The following ODAD3 variants were observed in gnomAD, a reference collection of about 807,000 sequenced individuals.
ODAD3 encodes the protein outer dynein arm-docking complex subunit 3.
Under a neutral mutation model 70.9 loss-of-function variants are expected in ODAD3, and 57 were observed. The observed-to-expected ratio is 0.80, with a 90% CI of 0.65 to 1.00. The LOEUF (loss-of-function observed/expected upper bound fraction) is 1.00. Ranked by LOEUF, ODAD3 falls within the 50% of genes least tolerant of loss-of-function variation. The pLI is 0.00. For missense variants in ODAD3, 797 were observed against 763.9 expected (o/e 1.04, Z -0.51); for synonymous variants, 327 against 315.9 (o/e 1.04, Z -0.37).
chr19:11,425,146 C>CAT lies in ODAD3; in HGVS notation c.963+996_963+997dup, dbSNP rs1555722250. ...ACATATGTGTATATGTGTATATGTA[C>CAT]ATATGTATATATACATATGTGTATA... is the stretch of plus-strand genomic sequence containing the variant. On this transcript the variant is annotated intron_variant, in intron 7 of 12. Coordinates refer to ENST00000356392, the MANE Select transcript of ODAD3 (RefSeq NM_145045.5). Among the ~76,000 whole-genome samples the CAT allele has an allele frequency of 1.5e-4, 15 of 97,046 alleles. 3 individuals carry two copies. Among genetic ancestry groups the CAT allele is most frequent in the South Asian group, 3.3e-4 (1 of 3,022 alleles). 63.7% of individuals were successfully genotyped at this position (97,046 alleles called of 152,430 possible). A position where few individuals can be genotyped will look rare whatever the true frequency, so the allele number is the denominator to read the frequency against.
At position 11,423,958 on chromosome 19, in the gene ODAD3, C is replaced by T; in HGVS notation, c.1035G>A (p.Glu345=). The T allele has an allele frequency of 6.2e-7, 1 of 1,613,350 alleles. No individual in the cohort carries two copies. Among genetic ancestry groups the T allele is most frequent in the South Asian group, 1.1e-5 (1 of 91,070 alleles). ...GGTACATGCTCCAGCGCTGCCGCAG[C>T]TCCTCCTCCTTGGCATGCAGGCTGT... ...IQDSLHAKEE[E]LRQRWSMYQM... is the part of the protein sequence containing the mutation. The change falls in exon 8 of 13, where the codon GAG becomes GAA. Residue 345 remains glutamate, a synonymous_variant. Coordinates refer to ENST00000356392, the MANE Select transcript of ODAD3 (RefSeq NM_145045.5).
Position 11,426,836 on chromosome 19 carries a change from C to A in ODAD3, c.612+37G>T, listed in dbSNP as rs769894596. The A allele has an allele frequency of 3.1e-6, 5 of 1,612,760 alleles. No homozygotes were observed. In the Admixed American group the frequency reaches 8.3e-5, roughly 27 times the overall value. On this transcript the variant is annotated intron_variant, in intron 4 of 12. Coordinates refer to ENST00000356392, the MANE Select transcript of ODAD3 (RefSeq NM_145045.5). ...GGCCCTCCGCACTCAATCCCTCCCACACGACCCTCTGCCCTGCAGGCCTCA... is the reference window on the plus strand; with the variant it reads ...GGCCCTCCGCACTCAATCCCTCCCAAACGACCCTCTGCCCTGCAGGCCTCA...
At position 11,423,870 on chromosome 19, in the gene ODAD3, A is replaced by C; in HGVS notation, c.1116+7T>G. 6.2e-7 allele frequency: 1 copy of C among 1,605,082 alleles called. No homozygotes were observed. Among genetic ancestry groups the C allele is most frequent in the South Asian group, 1.1e-5 (1 of 90,866 alleles). ...GCGCGGCGGAGAGGGCTGCGGGCAG[A>C]ACTCACGTGCGTCTCGTCAGTGCCA... is the stretch of plus-strand genomic sequence containing the variant. On this transcript the variant is annotated splice_region_variant and intron_variant, in intron 8 of 12. Transcript: ENST00000356392.
At chr19:11,431,283 G>T in intron 1 of ODAD3, 1 of 407,288 alleles carries the variant, frequency 2.5e-6, no homozygotes, top group South Asian at 2.4e-5. Flanking sequence ...GGCTAATTTT[G>T]TATTTTTAGT....
chr19:11,430,638 T>G (rs1403319315), intron 3 of ODAD3, 61 bp downstream of exon 3: 1 of 1,493,198 alleles, frequency 6.7e-7, no homozygotes, highest in Non-Finnish European at 9.3e-7. Context: ...GAGCCTGGAG[T>G]CCAGTGGTGA....
chr19:11,423,381 G>A (rs77457275), intron 8 of ODAD3, among the ~76,000 whole-genome samples: 1 of 152,180 alleles, frequency 6.6e-6, no homozygotes, highest in Non-Finnish European at 1.5e-5. Context: ...CAGGGTTGGG[G>A]TCCAGTGTTC....
intron 7 of ODAD3, among the ~76,000 whole-genome samples, chr19:11,425,585 ATG>A (rs1388281690): frequency 1.1e-3 from 147 of 132,068 alleles, no homozygotes; most frequent in African/African-American, 5.1e-3. Context: ...GTATATATGT[ATG>A]TATATGTGTA....
rs766159826 is a variant in ODAD3, at chr19:11,423,885, C to T, written c.1108G>A (p.Glu370Lys). ...GKVKDATGTD[E>K]THSLVRRFLA... ...CTGCGGGCAGAACTCACGTGCGTCT[C>T]GTCAGTGCCAGTGGCGTCCTTGACC... The change falls in exon 8 of 13, where the codon GAG (glutamate) becomes AAG (lysine). Residue 370 changes from glutamate to lysine, a missense_variant. Glu to Lys is a moderately conservative substitution (Grantham distance 56, BLOSUM62 1). Transcript: ENST00000356392. 1 of 1,610,702 alleles carries T rather than the reference C, an allele frequency of 6.2e-7. No individual in the cohort carries two copies. Among genetic ancestry groups the T allele is most frequent in the Non-Finnish European group, 8.5e-7 (1 of 1,179,082 alleles).
chr19:11,421,005 G>T, intron 12 of ODAD3, 58 bp from the exon 13 acceptor site: 1 of 1,587,992 alleles, frequency 6.3e-7, no homozygotes, highest in Non-Finnish European at 8.6e-7. Flanking sequence ...CCCATCCCTG[G>T]CTCCCCTTCC....
At position 11,434,862 on chromosome 19, in the gene ODAD3, CGGCCTG is replaced by C. The variant is rs1188508528; in HGVS notation, c.149_154del (p.Pro50_Gly51del). The C allele has an allele frequency of 3.1e-6, 5 of 1,614,086 alleles. No individual in the cohort carries two copies. In the African/African-American group the frequency reaches 6.7e-5, roughly 22 times the overall value. ...TCTGTGGAAGGATCCTCCCTTGGAACGGCCTGGGGTCCACGCCTGGGCTGTGCCCTT... is the reference window on the plus strand; with the variant it reads ...TCTGTGGAAGGATCCTCCCTTGGAACGGGTCCACGCCTGGGCTGTGCCCTT... On this transcript the variant is annotated inframe_deletion, in exon 1 of 13. Transcript: ENST00000356392.
At chr19:11,424,063 C>A (rs1599454706) in intron 7 of ODAD3, 34 bp from the exon 8 acceptor site, 1 of 1,590,354 alleles carries the variant, frequency 6.3e-7, no homozygotes, top group East Asian at 2.3e-5. Flanking sequence ...CCAGGGTCAG[C>A]TGGTGGACAG....
Position 11,426,838 on chromosome 19 carries a change from C to T in ODAD3, c.612+35G>A, listed in dbSNP as rs376625079. The T allele has an allele frequency of 1.4e-5, 22 of 1,612,230 alleles. No homozygotes were observed. In the African/African-American group the frequency reaches 2.9e-4, roughly 22 times the overall value. On this transcript the variant is annotated intron_variant, in intron 4 of 12. Transcript: ENST00000356392. ...CCCTCCGCACTCAATCCCTCCCACA[C>T]GACCCTCTGCCCTGCAGGCCTCACC...
intron 7 of ODAD3, 21 bp downstream of exon 7, chr19:11,426,123 C>T: frequency 1.9e-6 from 3 of 1,598,848 alleles, no homozygotes; most frequent in African/African-American, 1.3e-5. Context: ...GTCACAGGCG[C>T]GCACCCCTGG....
In ODAD3 at chr19:11,434,773, C is replaced by T. The variant is rs1383114775; in HGVS notation, c.244G>A (p.Glu82Lys). ...AELHKKIQLL[E>K]GDRKAFFESS... is the part of the protein sequence containing the mutation. Reference sequence around the variant, plus strand: ...TCTGTACCCTCTGGAGCCATCTTACCTAACAGTTGTATCTTTTTATGTAAC... The same window carrying T: ...TCTGTACCCTCTGGAGCCATCTTACTTAACAGTTGTATCTTTTTATGTAAC... Residue 82 changes from glutamate (E) to lysine (K), a missense_variant and splice_region_variant, in exon 1 of 13, where the codon GAG becomes AAG. By Grantham distance (56) the Glu-to-Lys change is moderately conservative (BLOSUM62 1). Coordinates refer to ENST00000356392, the MANE Select transcript of ODAD3 (RefSeq NM_145045.5). 2 of 1,609,988 alleles carry T rather than the reference C, an allele frequency of 1.2e-6. No homozygotes were observed. The highest frequency in any genetic ancestry group is 1.7e-5 in the Admixed American group (1 of 59,838).
rs757027245 is a variant in ODAD3 at position 11,421,116 on chromosome 19, A to C, written c.1675+12T>G. 1 of 1,602,196 alleles carries C rather than the reference A, an allele frequency of 6.2e-7. No homozygotes were observed. Among genetic ancestry groups the C allele is most frequent in the African/African-American group, 1.4e-5 (1 of 71,018 alleles). ...CCCAACCGCACCCCTTCATCCCCCC[A>C]CCCATACTGACCAAAAAACTTGTCC... On this transcript the variant is annotated intron_variant, in intron 12 of 12. Coordinates refer to ENST00000356392, the MANE Select transcript of ODAD3 (RefSeq NM_145045.5).
intron 1 of ODAD3, chr19:11,434,433 G>A (rs1335363674): frequency 5.8e-5 from 10 of 172,792 alleles, no homozygotes; most frequent in African/African-American, 2.2e-4. Flanking sequence ...AGCTACTCAA[G>A]AGGCTGAGGC....
chr19:11,424,961 G>GTATATATGTGTATATGTACATA (rs1969248545), intron 7 of ODAD3, among the ~76,000 whole-genome samples: 1 of 129,378 alleles, frequency 7.7e-6, no homozygotes, highest in Non-Finnish European at 1.6e-5. Flanking sequence ...ATGTACATAT[G>GTATATATGTGTATATGTACATA]TGTATATATG....
intron 7 of ODAD3, among the ~76,000 whole-genome samples, chr19:11,425,226 T>C (rs577835459): frequency 3.0e-5 from 4 of 135,076 alleles, no homozygotes; most frequent in South Asian, 2.2e-4. Flanking sequence ...TATATATGTG[T>C]GTATATGTAC....
In ODAD3 at chr19:11,425,184, T is replaced by C. The variant is rs764317422; in HGVS notation, c.963+960A>G. 1.0e-4 allele frequency among the ~76,000 whole-genome samples: 14 copies of C among 139,412 alleles called. 2 individuals carry two copies. In the East Asian group the frequency reaches 1.1e-3, roughly 11 times the overall value. The allele number at this position is 139,412 out of a possible 152,430, so 91.5% of individuals were successfully genotyped here. A position where few individuals can be genotyped will look rare whatever the true frequency, so the allele number is the denominator to read the frequency against. ...ACATATGTGTATATGTACATATGTG[T>C]ATATATACATATGTGTATGTGTACA... On this transcript the variant is annotated intron_variant, in intron 7 of 12. Coordinates refer to ENST00000356392, the MANE Select transcript of ODAD3 (RefSeq NM_145045.5).
Sources: gnomAD v4.1 joint callset for allele counts (sites outside exome capture counted in the v4.1 genomes callset) on GRCh38, gnomAD v4.1.1 for gene constraint, MANE v1.5 for transcripts, NCBI Gene and HGNC (gene_info 2026-07-23, HGNC 2026-07-21) for gene names.